CELF2: variants seen among roughly 807,000 people sequenced by gnomAD.
The protein encoded by CELF2 is CUGBP Elav-like family member 2.
Under a neutral mutation model 62.6 loss-of-function variants are expected in CELF2, and 8 were observed. The ratio of observed to expected loss-of-function variants is 0.13; its 90% CI spans 0.07 to 0.23. The LOEUF (loss-of-function observed/expected upper bound fraction) is 0.23, where lower values mean the gene tolerates loss of function less well. Ranked by LOEUF, CELF2 falls within the 10% of genes least tolerant of loss-of-function variation. The pLI, the probability that CELF2 is intolerant of heterozygous loss-of-function variation, is 1.00. For missense variants in CELF2, 333 were observed against 671.0 expected (o/e 0.50, Z 5.56); for synonymous variants, 258 against 250.0 (o/e 1.03, Z -0.30).
At chr10:10,625,731 G>A in the CELF2 span, among the ~76,000 whole-genome samples, 2 of 152,040 alleles carry the variant, frequency 1.3e-5, no homozygotes, top group South Asian at 2.1e-4. Context: ...CTCCATTCAC[G>A]CTTCTTATCC....
intron 7 of CELF2, among the ~76,000 whole-genome samples, chr10:11,273,638 C>T (rs2084738732): frequency 1.3e-5 from 2 of 152,128 alleles, no homozygotes; most frequent in Admixed American, 6.5e-5. Flanking sequence ...TCATATCAAA[C>T]TGGAAAGACC....
intron 2 of CELF2, among the ~76,000 whole-genome samples, chr10:11,206,477 A>G (rs1425016668): frequency 1.3e-5 from 2 of 152,214 alleles, no homozygotes; most frequent in African/African-American, 4.8e-5. Flanking sequence ...TTCAAGACAG[A>G]ACTACCTTAC....
chr10:11,328,481 G>A lies in CELF2; in HGVS notation c.1439-445G>A, dbSNP rs183991768. ...CCTTCCCTTCCCGAGCCTGCCTGTT[G>A]GCCTCACCTGGCTGGGACACGTGAG... On this transcript the variant is annotated intron_variant, in intron 12 of 12. Coordinates refer to ENST00000633077, the MANE Select transcript of CELF2 (RefSeq NM_001326342.2). The surrounding 1 kb of genome is among the most constrained non-coding windows in gnomAD (Gnocchi z 6.4). Among the ~76,000 whole-genome samples the A allele has an allele frequency of 5.9e-5, 9 of 152,264 alleles. No homozygotes were observed. In the East Asian group the frequency reaches 1.4e-3, roughly 23 times the overall value.
intron 9 of CELF2, among the ~76,000 whole-genome samples, chr10:11,313,200 C>T (rs2094680128): frequency 6.6e-6 from 1 of 152,032 alleles, no homozygotes; most frequent in Admixed American, 6.6e-5. Context: ...AAAGGTTGCC[C>T]CAAAAAGGTT....
At chr10:11,088,945 A>G (rs1447854163) in intron 1 of CELF2, among the ~76,000 whole-genome samples, 2 of 152,240 alleles carry the variant, frequency 1.3e-5, no homozygotes, top group Non-Finnish European at 2.9e-5. Context: ...ACTGAAGCAC[A>G]TGCAAGCCTC....
rs978917676 is a variant in CELF2 at position 11,156,168 on chromosome 10, G to A, written c.75-9318G>A. ...GGACAGTGGCTGTTCAGGGACAAGTGGACCCAGCGGGCATTTGGAGAAAAA... is the reference window on the plus strand; with the variant it reads ...GGACAGTGGCTGTTCAGGGACAAGTAGACCCAGCGGGCATTTGGAGAAAAA... On this transcript the variant is annotated intron_variant, in intron 1 of 12. Coordinates refer to ENST00000633077, the MANE Select transcript of CELF2 (RefSeq NM_001326342.2). The surrounding 1 kb of genome is among the most constrained non-coding windows in gnomAD (Gnocchi z 4.3). Among the ~76,000 whole-genome samples the A allele has an allele frequency of 1.3e-5, 2 of 152,124 alleles. No homozygotes were observed. Among genetic ancestry groups the A allele is most frequent in the East Asian group, 1.9e-4 (1 of 5,194 alleles).
rs183560375 is a variant in CELF2 at position 10,800,409 on chromosome 10, T to C, written c.53+1592T>C. 1.0e-3 allele frequency among the ~76,000 whole-genome samples: 157 copies of C among 152,266 alleles called. 1 individual carries two copies. Among genetic ancestry groups the C allele is most frequent in the Middle Eastern group, 3.4e-3 (1 of 294 alleles). Reference sequence around the variant, plus strand: ...TCTTGTTGCCCAGGCTGGAGTGCAGTGGCATGATCTCTGCTCACTGCAACC... The same window carrying C: ...TCTTGTTGCCCAGGCTGGAGTGCAGCGGCATGATCTCTGCTCACTGCAACC... On this transcript the variant is annotated intron_variant, in intron 1 of 13. Coordinates refer to the CELF2 transcript ENST00000636488.
Position 11,220,243 on chromosome 10 carries a change from C to T in CELF2, c.354+2736C>T, listed in dbSNP as rs1031205127. 2.6e-5 allele frequency among the ~76,000 whole-genome samples: 4 copies of T among 152,016 alleles called. No individual in the cohort carries two copies. Among genetic ancestry groups the T allele is most frequent in the Non-Finnish European group, 4.4e-5 (3 of 68,006 alleles). ...GATCAAATAATGCTAGGGTTTTTTC[C>T]GATGTAATTTTCTTTTGCAGTTGAT... On this transcript the variant is annotated intron_variant, in intron 3 of 12. Transcript: ENST00000633077. The surrounding 1 kb of genome is among the most constrained non-coding windows in gnomAD (Gnocchi z 4.4).
intron 1 of CELF2, among the ~76,000 whole-genome samples, chr10:10,863,940 A>G (rs2060199412): frequency 6.6e-6 from 1 of 152,230 alleles, no homozygotes; most frequent in Non-Finnish European, 1.5e-5. Context: ...TTAGCTCTAT[A>G]AAAGCTTGTC....
At chr10:11,287,972 C>G (rs1188861442) in intron 8 of CELF2, among the ~76,000 whole-genome samples, 2 of 152,230 alleles carry the variant, frequency 1.3e-5, no homozygotes, top group East Asian at 3.8e-4. Flanking sequence ...CCTTGAAGCC[C>G]TTCCTCCAGC....
chr10:10,792,550 G>A, the CELF2 span: 6 of 396,912 alleles, frequency 1.5e-5, no homozygotes, highest in African/African-American at 1.2e-4. Context: ...ACAAAAACCA[G>A]AACAATCTAA....
chr10:11,288,421 T>C lies in CELF2; in HGVS notation c.845T>C (p.Met282Thr). The change falls in exon 9 of 13, where the codon ATG becomes ACG. Residue 282 changes from methionine to threonine, a missense_variant. Met to Thr is a moderately conservative substitution (Grantham distance 81). This residue lies in a region of CELF2 where 253 missense variants were observed against 503.0 expected (regional missense o/e 0.50). Transcript: ENST00000633077. ...AFSGIQQMAGMNALQLQNLAT... is the reference protein window; with the variant it reads ...AFSGIQQMAGTNALQLQNLAT... Reference sequence around the variant, plus strand: ...TAACTTTCTCTTCCCTCCACAGGCATGAATGCTTTACAGTTGCAGAACCTG... The same window carrying C: ...TAACTTTCTCTTCCCTCCACAGGCACGAATGCTTTACAGTTGCAGAACCTG... 1.2e-6 allele frequency: 2 copies of C among 1,614,084 alleles called. No homozygotes were observed. The highest frequency in any genetic ancestry group is 1.7e-6 in the Non-Finnish European group (2 of 1,180,028).
intron 1 of CELF2, among the ~76,000 whole-genome samples, chr10:11,152,423 A>AG (rs989398431): frequency 6.6e-6 from 1 of 152,180 alleles, no homozygotes; most frequent in African/African-American, 2.4e-5. Flanking sequence ...TAAAAAAAAA[A>AG]AATCTGGTGG....
the CELF2 span, among the ~76,000 whole-genome samples, chr10:10,731,815 G>T: frequency 6.6e-6 from 1 of 152,130 alleles, no homozygotes; most frequent in African/African-American, 2.4e-5. Context: ...GAGATTGAGA[G>T]GGTCCATAGC....
chr10:10,464,787 T>C, the CELF2 span, among the ~76,000 whole-genome samples: 1 of 152,314 alleles, frequency 6.6e-6, no homozygotes, highest in East Asian at 1.9e-4. Context: ...AAATGATGCT[T>C]TCCCCCATTA....
chr10:11,288,666 A>G (rs1380216973), intron 9 of CELF2, 114 bp downstream of exon 9: 30 of 1,174,200 alleles, frequency 2.6e-5, no homozygotes, highest in Non-Finnish European at 3.4e-5. Flanking sequence ...GAGCCGGGAT[A>G]CTATACTGGG....
At chr10:10,600,421 A>G in the CELF2 span, among the ~76,000 whole-genome samples, 3 of 152,356 alleles carry the variant, frequency 2.0e-5, 1 homozygote, top group South Asian at 6.2e-4. Flanking sequence ...TGGAAGGACT[A>G]AAATGATTTT....
the CELF2 span, among the ~76,000 whole-genome samples, chr10:10,753,368 T>A: frequency 2.0e-5 from 3 of 151,812 alleles, no homozygotes; most frequent in Non-Finnish European, 4.4e-5. Flanking sequence ...GCTTCTCTAT[T>A]TGTGCGTGTG....
intron 1 of CELF2, among the ~76,000 whole-genome samples, chr10:11,089,667 A>G (rs958821855): frequency 2.6e-5 from 4 of 152,204 alleles, no homozygotes; most frequent in African/African-American, 9.6e-5. Context: ...GAGAAGGCAG[A>G]AGGCATGAGA....
Sources: allele counts gnomAD v4.1 joint callset (sites outside exome capture counted in the v4.1 genomes callset), GRCh38; gene constraint gnomAD v4.1.1; regional missense constraint gnomAD v4.1.1; non-coding constraint Gnocchi (gnomAD v3.1); transcripts MANE v1.5; gene names NCBI Gene and HGNC (gene_info 2026-07-23, HGNC 2026-07-21).